F7: variants seen among roughly 807,000 people sequenced by gnomAD.
F7 encodes the protein FVII coagulation protein.
In F7, 38 loss-of-function variants were observed where a neutral mutation model predicts 47.5. The observed-to-expected ratio is 0.80, with a 90% confidence interval of 0.62 to 1.05. The LOEUF is 1.05. Ranked by LOEUF, F7 falls within the 50% of genes least tolerant of loss-of-function variation. The probability of loss-of-function intolerance (pLI) is 0.00; values close to 1 mark genes in which losing one functional copy is unlikely to be tolerated. For missense variants in F7, 575 were observed against 605.4 expected (o/e 0.95, Z 0.53); for synonymous variants, 244 against 258.5 (o/e 0.94, Z 0.54).
rs776001236 is a variant in F7 at position 113,119,050 on chromosome 13, C to G, written c.*42C>G. The stretch of plus-strand genomic sequence containing the variant: ...TGTGGAGAGAAAGCCAAGGCTGCGT[C>G]GAACTGTCCTGGCACCAAATCCCAT... On this transcript the variant is annotated 3_prime_UTR_variant, in exon 8 of 8. Transcript: ENST00000346342. 2 of 1,574,372 alleles carry G rather than the reference C, an allele frequency of 1.3e-6. No individual in the cohort carries two copies. The highest frequency in any genetic ancestry group is 2.2e-5 in the South Asian group (2 of 89,598).
Position 113,116,819 on chromosome 13 carries a change from C to T in F7, c.559C>T (p.Pro187Ser). Residue 187 changes from proline (P) to serine (S), a missense_variant, in exon 6 of 8, where the codon CCC becomes TCC. By Grantham distance (74) the Pro-to-Ser change is moderately conservative. Transcript: ENST00000346342. Reference sequence around the variant, plus strand: ...TCTAGAAAAAAGAAATGCCAGCAAACCCCAAGGCCGAATTGTGGGGGGCAA... The same window carrying T: ...TCTAGAAAAAAGAAATGCCAGCAAATCCCAAGGCCGAATTGTGGGGGGCAA... The part of the protein sequence containing the change: ...PILEKRNASK[P>S]QGRIVGGKVC... 6.2e-7 allele frequency: 1 copy of T among 1,613,906 alleles called. No individual in the cohort carries two copies. Among genetic ancestry groups the T allele is most frequent in the South Asian group, 1.1e-5 (1 of 91,082 alleles).
In F7 at chr13:113,105,973, G is replaced by A. The variant is rs570145715; in HGVS notation, c.64+68G>A. The A allele has an allele frequency of 3.1e-5, 45 of 1,446,480 alleles. No individual in the cohort carries two copies. The South Asian group carries it at 3.8e-4, about 12-fold the overall frequency. 89.6% of individuals were successfully genotyped at this position (1,446,480 alleles called of 1,614,324 possible). A position where few individuals can be genotyped will look rare whatever the true frequency, so the allele number is the denominator to read the frequency against. ...AGTGGGCAAATCCAGGAGCCAGCCC[G>A]GGCTTCCCAAACCCCGCCCTTGCTC... is the stretch of plus-strand genomic sequence containing the variant. On this transcript the variant is annotated intron_variant, in intron 1 of 7. Coordinates refer to ENST00000346342, the MANE Select transcript of F7 (RefSeq NM_019616.4).
chr13:113,105,934 C>T, intron 1 of F7, 29 bp downstream of exon 1: 2 of 1,561,962 alleles, frequency 1.3e-6, no homozygotes, highest in Non-Finnish European at 1.7e-6. Context: ...TCTCCATAAA[C>T]TTGGTGGAAG....
chr13:113,115,638 G>T (rs1019264714), intron 4 of F7, 22 bp from the exon 5 acceptor site: 2 of 1,611,010 alleles, frequency 1.2e-6, no homozygotes, highest in Non-Finnish European at 1.7e-6. Flanking sequence ...CCCCTCTCAG[G>T]GTGTCCCCTT....
Position 113,118,990 on chromosome 13 carries a change from G to T in F7, c.1317G>T (p.Leu439=), listed in dbSNP as rs955000281. ...CAGAGCCACGCCCAGGAGTCCTCCT[G>T]CGAGCCCCATTTCCCTAGCCCAGCA... The part of the protein sequence containing the change: ...MRSEPRPGVL[L]RAPFP Residue 439 remains leucine (L), a synonymous_variant, in exon 8 of 8, where the codon CTG becomes CTT. Coordinates refer to ENST00000346342, the MANE Select transcript of F7 (RefSeq NM_019616.4). 2.1e-5 allele frequency: 33 copies of T among 1,600,220 alleles called. No homozygotes were observed. The highest frequency in any genetic ancestry group is 2.6e-5 in the Non-Finnish European group (31 of 1,179,928).
Position 113,118,441 on chromosome 13 carries a change from G to T in F7, c.768G>T (p.Gly256=), listed in dbSNP as rs1363918233. The T allele has an allele frequency of 6.2e-7, 1 of 1,603,964 alleles. No individual in the cohort carries two copies. Among genetic ancestry groups the T allele is most frequent in the Admixed American group, 1.7e-5 (1 of 59,854 alleles). ...LGEHDLSEHD[G]DEQSRRVAQV... is the part of the protein sequence containing the mutation. ...AGCACGACCTCAGCGAGCACGACGG[G>T]GATGAGCAGAGCCGGCGGGTGGCGC... is the stretch of plus-strand genomic sequence containing the variant. The change falls in exon 8 of 8, where the codon GGG becomes GGT. Residue 256 remains glycine (G), a synonymous_variant. Transcript: ENST00000346342.
intron 1 of F7, among the ~76,000 whole-genome samples, chr13:113,109,105 TCC>T (rs1328042265): frequency 1.1e-5 from 1 of 90,106 alleles, no homozygotes; most frequent in East Asian, 6.2e-4. Context: ...GGCGAGGGTG[TCC>T]CGGGAGTGTG....
At position 113,105,869 on chromosome 13, in the gene F7, T is replaced by C. The variant is rs756153946; in HGVS notation, c.28T>C (p.Cys10Arg). The C allele has an allele frequency of 6.3e-7, 1 of 1,591,514 alleles. No homozygotes were observed. Among genetic ancestry groups the C allele is most frequent in the Non-Finnish European group, 8.5e-7 (1 of 1,169,634 alleles). Residue 10 changes from cysteine (C) to arginine (R), a missense_variant, in exon 1 of 8, where the codon TGC becomes CGC. Coordinates refer to ENST00000346342, the MANE Select transcript of F7 (RefSeq NM_019616.4). ...GGTCTCCCAGGCCCTCAGGCTCCTC[T>C]GCCTTCTGCTTGGGCTTCAGGGCTG... MVSQALRLLCLLLGLQGCLA... is the reference protein window; with the variant it reads MVSQALRLLRLLLGLQGCLA...
rs1398906712 is a variant in F7, at chr13:113,105,867, T to C, written c.26T>C (p.Leu9Pro). The C allele has an allele frequency of 1.3e-6, 2 of 1,591,122 alleles. No homozygotes were observed. The highest frequency in any genetic ancestry group is 3.5e-5 in the Admixed American group (2 of 56,704). The change falls in exon 1 of 8, where the codon CTC becomes CCC. Residue 9 changes from leucine (L) to proline (P), a missense_variant. Physicochemically the swap from Leu to Pro is moderately conservative, Grantham distance 98. Transcript: ENST00000346342. ...ATGGTCTCCCAGGCCCTCAGGCTCC[T>C]CTGCCTTCTGCTTGGGCTTCAGGGC... MVSQALRL[L>P]CLLLGLQGCL...
chr13:113,107,937 G>A (rs1228342853), intron 1 of F7, among the ~76,000 whole-genome samples: 15 of 83,244 alleles, frequency 1.8e-4, no homozygotes, highest in South Asian at 4.6e-4. Context: ...GTGTCCCGGG[G>A]GTGTGGGTGT....
rs1240293243 is a variant in F7, at chr13:113,110,864, CG to C, written c.225+18del. The C allele has an allele frequency of 1.3e-6, 2 of 1,552,982 alleles. No homozygotes were observed. Among genetic ancestry groups the C allele is most frequent in the East Asian group, 4.8e-5 (2 of 41,390 alleles). On this transcript the variant is annotated intron_variant, in intron 2 of 7. Coordinates refer to ENST00000346342, the MANE Select transcript of F7 (RefSeq NM_019616.4). ...GCGGAGAGGACGGTGAGCCCAGCCT[CG>C]GGGCGCCCCGCGCCGCGGACACTGC...
intron 1 of F7, 61 bp downstream of exon 1, chr13:113,105,966 C>G (rs1408265864): frequency 6.8e-7 from 1 of 1,468,638 alleles, no homozygotes; most frequent in African/African-American, 1.4e-5. Flanking sequence ...AATCCAGGAG[C>G]CAGCCCGGGC....
At chr13:113,112,853 TCA>T (rs1254611090) in intron 2 of F7, among the ~76,000 whole-genome samples, 1 of 145,428 alleles carries the variant, frequency 6.9e-6, no homozygotes, top group Non-Finnish European at 1.5e-5. Context: ...CACCTTACTC[TCA>T]CAGGACACCT....
At chr13:113,108,825 T>A (rs1179136839) in intron 1 of F7, among the ~76,000 whole-genome samples, 2 of 26,950 alleles carry the variant, frequency 7.4e-5, no homozygotes, top group Non-Finnish European at 6.8e-5. Flanking sequence ...GTCCCGGGAG[T>A]GTGGGTGTCC....
rs2036269192 is a variant in F7, at chr13:113,119,708, AGCACACACACACCAAT to A, written c.*703_*718del. The A allele has an allele frequency of 6.6e-6, 1 of 151,980 alleles. No individual in the cohort carries two copies. The highest frequency in any genetic ancestry group is 6.5e-5 in the Admixed American group (1 of 15,280). 9.4% of individuals were successfully genotyped at this position (151,980 alleles called of 1,614,324 possible). A position where few individuals can be genotyped will look rare whatever the true frequency, so the allele number is the denominator to read the frequency against. The stretch of plus-strand genomic sequence containing the variant: ...ACACAGATATGCACACACATGGATG[AGCACACACACACCAAT>A]GCGCACACACACCGATGTACACACA... On this transcript the variant is annotated 3_prime_UTR_variant, in exon 8 of 8. Coordinates refer to ENST00000346342, the MANE Select transcript of F7 (RefSeq NM_019616.4).
At position 113,113,986 on chromosome 13, in the gene F7, T is replaced by G; in HGVS notation, c.364+26T>G. ...GTAAGGCCCCACTTTGGGTCCCATA[T>G]TTGCAGAGGGCCCTGGGGAGCTGGT... On this transcript the variant is annotated intron_variant, in intron 4 of 7. Coordinates refer to ENST00000346342, the MANE Select transcript of F7 (RefSeq NM_019616.4). The surrounding 1 kb of genome is among the most constrained non-coding windows in gnomAD (Gnocchi z 4.1). The G allele has an allele frequency of 6.2e-7, 1 of 1,612,900 alleles. No individual in the cohort carries two copies. The highest frequency in any genetic ancestry group is 8.5e-7 in the Non-Finnish European group (1 of 1,179,686).
rs146929817 is a variant in F7 at position 113,117,132 on chromosome 13, C to T, written c.615+257C>T. On this transcript the variant is annotated intron_variant, in intron 6 of 7. Coordinates refer to ENST00000346342, the MANE Select transcript of F7 (RefSeq NM_019616.4). ...AGATGCCCCATCCGAGTTGTCACGTCGTCCTCACGGTTACTCTTTGAGGTG... is the reference window on the plus strand; with the variant it reads ...AGATGCCCCATCCGAGTTGTCACGTTGTCCTCACGGTTACTCTTTGAGGTG... 612 of 615,120 alleles carry T rather than the reference C, an allele frequency of 9.9e-4. 3 individuals carry two copies. The highest frequency in any genetic ancestry group is 9.7e-3 in the African/African-American group (530 of 54,488). The allele number at this position is 615,120 out of a possible 1,614,324, so 38.1% of individuals were successfully genotyped here.
At chr13:113,110,401 C>T (rs2036067207) in intron 1 of F7, 2 of 377,640 alleles carry the variant, frequency 5.3e-6, no homozygotes, top group South Asian at 7.4e-5. Flanking sequence ...CACGTTTACG[C>T]GGCGGCGCCC....
In F7 at chr13:113,119,122, G is replaced by C; in HGVS notation, c.*114G>C. 1.9e-6 allele frequency: 1 copy of C among 535,726 alleles called. No homozygotes were observed. Among genetic ancestry groups the C allele is most frequent in the East Asian group, 4.9e-5 (1 of 20,222 alleles). 33.2% of individuals were successfully genotyped at this position (535,726 alleles called of 1,614,324 possible). ...GGTAGAGGAGGGCATGGGAGGGAGG[G>C]AGAGGTGGGGAGGGAGACAGAGACA... On this transcript the variant is annotated 3_prime_UTR_variant, in exon 8 of 8. Transcript: ENST00000346342.
Sources: gnomAD v4.1 joint callset for allele counts (sites outside exome capture counted in the v4.1 genomes callset) on GRCh38, gnomAD v4.1.1 for gene constraint, Gnocchi (gnomAD v3.1) non-coding constraint, MANE v1.5 for transcripts, NCBI Gene and HGNC (gene_info 2026-07-23, HGNC 2026-07-21) for gene names.